Variants in MFSD1 observed in about 807,000 individuals in gnomAD.
MFSD1 encodes the protein major facilitator superfamily domain containing 1.
Under a neutral mutation model 67.1 loss-of-function variants are expected in MFSD1, and 59 were observed. The observed-to-expected ratio is 0.88, with a 90% CI of 0.71 to 1.09. The LOEUF is 1.09. Among genes scored for constraint, MFSD1 ranks in the 50% least tolerant of loss-of-function variants. MFSD1 has a pLI of 0.00. For synonymous variants in MFSD1, 213 were observed against 200.3 expected (o/e 1.06, Z -0.54); for missense variants, 552 against 566.1 (o/e 0.97, Z 0.25).
intron 11 of MFSD1, 40 bp downstream of exon 11, chr3:158,822,180 G>A: frequency 1.9e-6 from 3 of 1,567,756 alleles, no homozygotes; most frequent in African/African-American, 1.3e-5. Flanking sequence ...CAGGGCTTCA[G>A]CAAGGAGTCT....
At chr3:158,826,095 C>A (rs144238873) in intron 14 of MFSD1, 33 bp downstream of exon 14, 1 of 1,590,610 alleles carries the variant, frequency 6.3e-7, no homozygotes, top group Non-Finnish European at 8.6e-7. Flanking sequence ...GCTTCTTAAA[C>A]CGCAGTGGAT....
At chr3:158,812,288 G>A (rs865965811) in intron 6 of MFSD1, among the ~76,000 whole-genome samples, 20 of 152,112 alleles carry the variant, frequency 1.3e-4, no homozygotes, top group African/African-American at 3.1e-4. Context: ...CAAAAAAGAC[G>A]GAATCTATGT....
intron 7 of MFSD1, among the ~76,000 whole-genome samples, chr3:158,816,650 T>C (rs1730364534): frequency 6.6e-6 from 1 of 151,194 alleles, no homozygotes; most frequent in Non-Finnish European, 1.5e-5. Flanking sequence ...AGCTCTTTAG[T>C]TTAATGAGAT....
intron 4 of MFSD1, 107 bp from the exon 5 acceptor site, chr3:158,807,289 A>C: frequency 9.9e-7 from 1 of 1,012,662 alleles, no homozygotes; most frequent in Non-Finnish European, 1.5e-6. Flanking sequence ...ATTAAGGAGA[A>C]ATATTAAAAC....
intron 1 of MFSD1, chr3:158,802,601 G>A (rs1327603569): frequency 1.5e-6 from 1 of 678,498 alleles, no homozygotes; most frequent in Non-Finnish European, 2.7e-6. Flanking sequence ...CGCCCTAGAG[G>A]CGATAGATAT....
chr3:158,821,010 T>C (rs1379936826), intron 9 of MFSD1, among the ~76,000 whole-genome samples: 1 of 152,224 alleles, frequency 6.6e-6, no homozygotes. Context: ...TTAGAAAGGC[T>C]CTTACTGAGA....
Position 158,823,672 on chromosome 3 carries a change from T to C in MFSD1, c.1175+147T>C, listed in dbSNP as rs926757146. 20 of 695,884 alleles carry C rather than the reference T, an allele frequency of 2.9e-5. No individual in the cohort carries two copies. In the African/African-American group the frequency reaches 3.5e-4, roughly 12 times the overall value. The allele number at this position is 695,884 out of a possible 1,614,324, so 43.1% of individuals were successfully genotyped here. A position where few individuals can be genotyped will look rare whatever the true frequency, so the allele number is the denominator to read the frequency against. On this transcript the variant is annotated intron_variant, in intron 12 of 15. Transcript: ENST00000415822. Reference sequence around the variant, plus strand: ...ATAACTGGAAAAGTCAGTAAATCTATTTAAGATACTGTTGTGGCCACAAAA... The same window carrying C: ...ATAACTGGAAAAGTCAGTAAATCTACTTAAGATACTGTTGTGGCCACAAAA...
chr3:158,815,429 C>T (rs1405936698), intron 7 of MFSD1, among the ~76,000 whole-genome samples: 1 of 149,398 alleles, frequency 6.7e-6, no homozygotes, highest in Admixed American at 6.7e-5. Flanking sequence ...AATACAATTC[C>T]TAGCATTTAT....
intron 1 of MFSD1, 71 bp from the exon 2 acceptor site, chr3:158,804,248 C>T: frequency 9.3e-7 from 1 of 1,079,044 alleles, no homozygotes. Context: ...ATTGTAATTT[C>T]AGTAGCAACT....
intron 5 of MFSD1, among the ~76,000 whole-genome samples, chr3:158,807,819 C>T (rs560263946): frequency 6.6e-5 from 10 of 152,222 alleles, no homozygotes; most frequent in Non-Finnish European, 1.2e-4. Context: ...TTCACTCTTT[C>T]TTAGCAAGTG....
chr3:158,802,268 TG>T lies in MFSD1; in HGVS notation c.118del (p.Ala40ArgfsTer9). ...ALPALCDPSR[L>X]AHRLLVLLLM... is the part of the protein sequence containing the mutation. ...CCGGCCCTCTGCGACCCCAGTCGCC[TG>T]GCGCACCGGCTTTTGGTGCTGTTAC... On this transcript the variant is annotated frameshift_variant, in exon 1 of 16. Transcript: ENST00000415822. LOFTEE classifies it high-confidence loss of function. 6.2e-7 allele frequency: 1 copy of T among 1,611,500 alleles called. No homozygotes were observed. The highest frequency in any genetic ancestry group is 8.5e-7 in the Non-Finnish European group (1 of 1,178,624).
At chr3:158,825,698 CA>C in intron 13 of MFSD1, among the ~76,000 whole-genome samples, 1 of 152,198 alleles carries the variant, frequency 6.6e-6, no homozygotes, top group East Asian at 1.9e-4. Flanking sequence ...GTAAGTCCTG[CA>C]AAGGACCAGC....
At chr3:158,804,394 T>C (rs999249889) in intron 2 of MFSD1, 23 bp downstream of exon 2, 9 of 1,592,864 alleles carry the variant, frequency 5.7e-6, no homozygotes, top group Admixed American at 1.7e-5. Flanking sequence ...TTCACTCTTG[T>C]TTCTTTTGTT....
At chr3:158,810,005 C>A (rs77181980) in intron 6 of MFSD1, among the ~76,000 whole-genome samples, 1 of 152,146 alleles carries the variant, frequency 6.6e-6, no homozygotes, top group Non-Finnish European at 1.5e-5. Flanking sequence ...GGCTACCTAG[C>A]GGGAACAACA....
At chr3:158,803,697 TTAAAA>T (rs780055968) in intron 1 of MFSD1, among the ~76,000 whole-genome samples, 4 of 152,220 alleles carry the variant, frequency 2.6e-5, no homozygotes, top group South Asian at 2.1e-4. Context: ...TATTTTATCT[TTAAAA>T]TAAATCCGAG....
rs1244529050 is a variant in MFSD1, at chr3:158,805,454, A to G, written c.309A>G (p.Ile103Met). ...VVLCFFGGFLIDRVFGIRWGT... is the reference protein window; with the variant it reads ...VVLCFFGGFLMDRVFGIRWGT... ...TGTGTTTCTTTGGTGGCTTTTTGAT[A>G]GACCGAGTATTTGGAATACGGTAAG... Residue 103 changes from isoleucine (I) to methionine (M), a missense_variant, in exon 3 of 16, where the codon ATA (isoleucine) becomes ATG (methionine). Coordinates refer to ENST00000415822, the MANE Select transcript of MFSD1 (RefSeq NM_022736.4). 1 of 1,613,092 alleles carries G rather than the reference A, an allele frequency of 6.2e-7. No individual in the cohort carries two copies. The highest frequency in any genetic ancestry group is 2.2e-5 in the East Asian group (1 of 44,854).
chr3:158,826,166 T>TG (rs1186360536), intron 14 of MFSD1, 104 bp downstream of exon 14: 3 of 798,232 alleles, frequency 3.8e-6, no homozygotes, highest in Non-Finnish European at 4.3e-6. Context: ...CATGCAGTAA[T>TG]GACTTTCTGT....
Position 158,820,277 on chromosome 3 carries a change from A to C in MFSD1, c.814A>C (p.Ile272Leu), listed in dbSNP as rs773062315. 6.2e-6 allele frequency: 10 copies of C among 1,612,002 alleles called. No individual in the cohort carries two copies. Among genetic ancestry groups the C allele is most frequent in the Non-Finnish European group, 7.6e-6 (9 of 1,178,310 alleles). ...FSLPLWLIFI[I>L]CVCYYVAVFP... ...CTTACCCCTGTGGCTTATATTTATC[A>C]TCTGTGTCTGCTATTATGTTGCTGT... The change falls in exon 9 of 16, where the codon ATC (isoleucine) becomes CTC (leucine). Residue 272 changes from isoleucine to leucine, a missense_variant. Transcript: ENST00000415822.
At chr3:158,823,153 C>G (rs1730762439) in intron 11 of MFSD1, 1 of 367,880 alleles carries the variant, frequency 2.7e-6, no homozygotes, top group Non-Finnish European at 5.1e-6. Flanking sequence ...TTACTTGGTC[C>G]TTGACTGCAT....
Sources: gnomAD v4.1 joint callset for allele counts (sites outside exome capture counted in the v4.1 genomes callset) on GRCh38, gnomAD v4.1.1 for gene constraint, MANE v1.5 for transcripts, NCBI Gene and HGNC (gene_info 2026-07-23, HGNC 2026-07-21) for gene names.